YLPM1: variants seen among roughly 807,000 people sequenced by gnomAD.
YLPM1 encodes YLP motif-containing protein 1.
A neutral mutation model predicts 230.0 loss-of-function variants in YLPM1; 99 were observed. That is an observed-to-expected ratio of 0.43 (90% CI 0.37 to 0.51). The LOEUF is 0.51. Ranked by LOEUF, YLPM1 falls within the 20% of genes least tolerant of loss-of-function variation. The pLI, the probability that YLPM1 is intolerant of heterozygous loss-of-function variation, is 0.00. For synonymous variants in YLPM1, 984 were observed against 942.5 expected (o/e 1.04, Z -0.81); for missense variants, 2,592 against 2,707.7 (o/e 0.96, Z 0.95).
chr14:74,829,084 C>T, intron 18 of YLPM1, 129 bp from the exon 19 acceptor site: 2 of 1,035,222 alleles, frequency 1.9e-6, no homozygotes, highest in Non-Finnish European at 2.8e-6. Flanking sequence ...TTTGGATCTG[C>T]AAGTGATGCT....
chr14:74,798,058 C>G lies in YLPM1; in HGVS notation c.2761C>G (p.Pro921Ala). Residue 921 changes from proline (P) to alanine (A), a missense_variant, in exon 5 of 21, where the codon CCC becomes GCC. By Grantham distance (27) the Pro-to-Ala change is conservative (BLOSUM62 -1). Around this residue, in one of 4 missense-constraint regions of YLPM1, gnomAD observed 1,862 missense variants for 1,819.8 expected, o/e 1.02. Coordinates refer to ENST00000325680, the MANE Select transcript of YLPM1 (RefSeq NM_019589.3). ...TGAAGTCTCGGAAGGGCCCGTAGAG[C>G]CCTCTAATTGGGACCAGAATGTTCA... ...KSEVSEGPVE[P>A]SNWDQNVQSM... The G allele has an allele frequency of 6.2e-7, 1 of 1,613,872 alleles. No individual in the cohort carries two copies. The highest frequency in any genetic ancestry group is 8.5e-7 in the Non-Finnish European group (1 of 1,179,836).
intron 4 of YLPM1, among the ~76,000 whole-genome samples, chr14:74,790,923 A>G (rs944199804): frequency 1.3e-5 from 2 of 152,170 alleles, no homozygotes; most frequent in African/African-American, 4.8e-5. Context: ...TCATTTTGTA[A>G]CATCTTTGAA....
At position 74,781,843 on chromosome 14, in the gene YLPM1, G is replaced by T. The variant is rs756948462; in HGVS notation, c.1800G>T (p.Gly600=). The change falls in exon 4 of 21, where the codon GGG becomes GGT. Residue 600 remains glycine (G), a synonymous_variant. Transcript: ENST00000325680. ...VLPPPSLSSA[G]PPPVLPPPSL... ...CCCCACCTTCCCTGTCTTCTGCAGG[G>T]CCACCACCAGTTCTTCCCCCACCAT... 6.2e-7 allele frequency: 1 copy of T among 1,610,828 alleles called. No homozygotes were observed. The highest frequency in any genetic ancestry group is 2.2e-5 in the East Asian group (1 of 44,822).
Position 74,799,768 on chromosome 14 carries a change from G to A in YLPM1, c.4400+71G>A. On this transcript the variant is annotated intron_variant, in intron 5 of 20. Transcript: ENST00000325680. ...CAGACTGCTCTTTTTAAAGTGATAT[G>A]ATATATTTGAATGGAATCATTTTAC... 4.8e-6 allele frequency: 7 copies of A among 1,459,572 alleles called. No homozygotes were observed. In the South Asian group the frequency reaches 1.0e-4, roughly 21 times the overall value. 90.4% of individuals were successfully genotyped at this position (1,459,572 alleles called of 1,614,324 possible).
intron 4 of YLPM1, among the ~76,000 whole-genome samples, chr14:74,793,143 T>G (rs1170511791): frequency 1.3e-5 from 2 of 152,210 alleles, no homozygotes; most frequent in Non-Finnish European, 2.9e-5. Flanking sequence ...CAGTGTTTTT[T>G]GTTTGCTTAT....
At chr14:74,828,504 T>C (rs573488950) in intron 18 of YLPM1, among the ~76,000 whole-genome samples, 1 of 152,334 alleles carries the variant, frequency 6.6e-6, no homozygotes, top group East Asian at 1.9e-4. Flanking sequence ...TATTCATTAA[T>C]TGATTACAGT....
At chr14:74,810,849 T>G (rs1594835843) in intron 9 of YLPM1, among the ~76,000 whole-genome samples, 1 of 152,232 alleles carries the variant, frequency 6.6e-6, no homozygotes, top group Non-Finnish European at 1.5e-5. Flanking sequence ...AGACGGGGTC[T>G]CTCTCAGTCT....
At chr14:74,788,576 T>A (rs2091172020) in intron 4 of YLPM1, among the ~76,000 whole-genome samples, 2 of 152,234 alleles carry the variant, frequency 1.3e-5, no homozygotes, top group African/African-American at 2.4e-5. Flanking sequence ...GCATGGTGGC[T>A]CACACACCTA....
rs762333936 is a variant in YLPM1, at chr14:74,809,963, C to T, written c.4993C>T (p.Arg1665Cys). The change falls in exon 8 of 21, where the codon CGC (arginine) becomes TGC (cysteine). Residue 1665 changes from arginine (R) to cysteine (C), a missense_variant. Coordinates refer to ENST00000325680, the MANE Select transcript of YLPM1 (RefSeq NM_019589.3). ...QIPYGERITL[R>C]PDPLPERSTF... ...ACCTTATGGAGAAAGAATAACTCTA[C>T]GCCCAGATCCACTACCTGAAAGATC... The T allele has an allele frequency of 8.7e-6, 14 of 1,609,242 alleles. No homozygotes were observed. The highest frequency in any genetic ancestry group is 5.1e-5 in the Admixed American group (3 of 59,360).
At chr14:74,811,835 C>A in intron 10 of YLPM1, 97 bp downstream of exon 10, 1 of 796,800 alleles carries the variant, frequency 1.3e-6, no homozygotes, top group Non-Finnish European at 1.9e-6. Flanking sequence ...TAGAGTAAAA[C>A]GTATTCACAG....
intron 4 of YLPM1, 129 bp from the exon 5 acceptor site, chr14:74,797,450 TA>T: frequency 1.3e-6 from 1 of 771,574 alleles, no homozygotes. Flanking sequence ...GACTCAGGAT[TA>T]ATTTAATGAC....
intron 18 of YLPM1, chr14:74,827,578 C>T (rs2091575157): frequency 2.0e-6 from 2 of 985,352 alleles, no homozygotes; most frequent in Non-Finnish European, 2.4e-6. Flanking sequence ...TCACACTGCC[C>T]TTCTGTATTG....
chr14:74,776,688 CAG>C (rs1555365589), intron 1 of YLPM1, among the ~76,000 whole-genome samples: 1 of 152,092 alleles, frequency 6.6e-6, no homozygotes. Context: ...ACACATGAGT[CAG>C]GGGACTCATG....
rs749217002 is a variant in YLPM1, at chr14:74,764,280, C to T, written c.791C>T (p.Pro264Leu). 6.2e-7 allele frequency: 1 copy of T among 1,613,782 alleles called. No homozygotes were observed. Among genetic ancestry groups the T allele is most frequent in the Non-Finnish European group, 8.5e-7 (1 of 1,179,886 alleles). The part of the protein sequence containing the change: ...PGNKTTVQQE[P>L]LESGAKNKST... Reference sequence around the variant, plus strand: ...AATAAGACAACTGTCCAGCAAGAGCCTTTGGAGAGTGGGGCCAAAAACAAG... The same window carrying T: ...AATAAGACAACTGTCCAGCAAGAGCTTTTGGAGAGTGGGGCCAAAAACAAG... The change falls in exon 1 of 21, where the codon CCT (proline) becomes CTT (leucine). Residue 264 changes from proline to leucine, a missense_variant. This residue lies in a region of YLPM1 where 1,862 missense variants were observed against 1,819.8 expected (regional missense o/e 1.02). Transcript: ENST00000325680.
chr14:74,829,992 C>T (rs761316185), intron 19 of YLPM1, among the ~76,000 whole-genome samples: 23 of 151,942 alleles, frequency 1.5e-4, no homozygotes, highest in Non-Finnish European at 1.5e-4. Context: ...ATGATCTTGC[C>T]CAAGGAAAAA....
intron 4 of YLPM1, among the ~76,000 whole-genome samples, chr14:74,784,079 T>G (rs2091122839): frequency 6.6e-6 from 1 of 152,242 alleles, no homozygotes; most frequent in African/African-American, 2.4e-5. Context: ...TGATTTGAAT[T>G]CGTTCTTAAT....
Position 74,798,839 on chromosome 14 carries a change from A to G in YLPM1, c.3542A>G (p.Tyr1181Cys), listed in dbSNP as rs748123589. The change falls in exon 5 of 21, where the codon TAT (tyrosine) becomes TGT (cysteine). Residue 1181 changes from tyrosine to cysteine, a missense_variant. Coordinates refer to ENST00000325680, the MANE Select transcript of YLPM1 (RefSeq NM_019589.3). ...CCAGGAGATGGTGGGGAAAAAATGT[A>G]TCCATATCACCGGGATGAGCCTCCT... ...PEPGDGGEKM[Y>C]PYHRDEPPRA... 10 of 1,613,792 alleles carry G rather than the reference A, an allele frequency of 6.2e-6. No individual in the cohort carries two copies. The highest frequency in any genetic ancestry group is 1.7e-5 in the Admixed American group (1 of 60,006).
At chr14:74,769,674 C>T (rs916624841) in intron 1 of YLPM1, among the ~76,000 whole-genome samples, 1 of 151,212 alleles carries the variant, frequency 6.6e-6, no homozygotes, top group Non-Finnish European at 1.5e-5. Flanking sequence ...CCACCTGCTA[C>T]GGCCTCCCAA....
At chr14:74,775,317 T>C (rs1413591508) in intron 1 of YLPM1, among the ~76,000 whole-genome samples, 2 of 152,196 alleles carry the variant, frequency 1.3e-5, no homozygotes, top group African/African-American at 4.8e-5. Context: ...GGAAGGCAGC[T>C]GTCCCCTAAG....
Sources: gnomAD v4.1 joint callset for allele counts (sites outside exome capture counted in the v4.1 genomes callset) on GRCh38, gnomAD v4.1.1 for gene constraint, gnomAD v4.1.1 regional missense constraint, MANE v1.5 for transcripts, NCBI Gene and HGNC (gene_info 2026-07-23, HGNC 2026-07-21) for gene names.